Variants in HSBP1 observed in about 807,000 individuals in gnomAD.
The protein encoded by HSBP1 is heat shock factor-binding protein 1.
A neutral mutation model predicts 9.6 loss-of-function variants in HSBP1; 5 were observed. That is an observed-to-expected ratio of 0.52 (90% CI 0.27 to 1.09). The LOEUF (loss-of-function observed/expected upper bound fraction) is 1.09, where lower values mean the gene tolerates loss of function less well. Ranked by LOEUF, HSBP1 falls within the 50% of genes least tolerant of loss-of-function variation. The probability of loss-of-function intolerance (pLI) is 0.11; values close to 1 mark genes in which losing one functional copy is unlikely to be tolerated. For synonymous variants in HSBP1, 42 were observed against 33.3 expected, an observed-to-expected ratio of 1.26 and a Z score of -0.90; for missense variants, 121 against 96.3, an observed-to-expected ratio of 1.26 and a Z score of -1.07.
chr16:83,818,756 A>G lies in HSBP1; in HGVS notation c.*7338A>G, dbSNP rs1904775590. On this transcript the variant is annotated 3_prime_UTR_variant, in exon 4 of 4. Transcript: ENST00000433866. ...GCACCTAAGTCACTGAAGTTCTGGC[A>G]GAATTCATTCTCCTGCTCTCTACTG... 1 of 152,232 alleles carries G rather than the reference A, an allele frequency of 6.6e-6. No individual in the cohort carries two copies. The highest frequency in any genetic ancestry group is 1.5e-5 in the Non-Finnish European group (1 of 68,046). 9.4% of individuals were successfully genotyped at this position (152,232 alleles called of 1,614,324 possible). A position where few individuals can be genotyped will look rare whatever the true frequency, so the allele number is the denominator to read the frequency against.
rs145488906 is a variant in HSBP1, at chr16:83,818,990, A to G, written c.*7572A>G. The G allele has an allele frequency of 1.3e-4, 20 of 152,246 alleles. No individual in the cohort carries two copies. The highest frequency in any genetic ancestry group is 4.8e-4 in the African/African-American group (20 of 41,558). The allele number at this position is 152,246 out of a possible 1,614,324, so 9.4% of individuals were successfully genotyped here. On this transcript the variant is annotated 3_prime_UTR_variant, in exon 4 of 4. Transcript: ENST00000433866. ...AGATCCCCAGGCCCTACCTAGCCCT[A>G]CTGAATCAGAGACCCTGGGAGGGAG...
intron 3 of HSBP1, among the ~76,000 whole-genome samples, chr16:83,810,542 AAAG>A (rs1904577463): frequency 6.8e-6 from 1 of 147,426 alleles, no homozygotes; most frequent in Admixed American, 6.8e-5. Context: ...AAAAAAAAAA[AAAG>A]GTACTGGTGC....
rs761386464 is a variant in HSBP1, at chr16:83,818,226, C to T, written c.*6808C>T. ...TTGCCAGCATCCTCAGAAGGAGATG[C>T]GAGGAAGATTCTTTTCCTGGGCCAC... is the stretch of plus-strand genomic sequence containing the variant. On this transcript the variant is annotated 3_prime_UTR_variant, in exon 4 of 4. Coordinates refer to ENST00000433866, the MANE Select transcript of HSBP1 (RefSeq NM_001537.4). The T allele has an allele frequency of 2.0e-5, 3 of 152,208 alleles. No homozygotes were observed. Among genetic ancestry groups the T allele is most frequent in the Admixed American group, 1.3e-4 (2 of 15,278 alleles). The allele number at this position is 152,208 out of a possible 1,614,324, so 9.4% of individuals were successfully genotyped here.
At chr16:83,810,999 G>A (rs1013948173) in intron 3 of HSBP1, among the ~76,000 whole-genome samples, 5 of 152,234 alleles carry the variant, frequency 3.3e-5, no homozygotes, top group African/African-American at 1.2e-4. Flanking sequence ...CAGTAGGTGG[G>A]GTTCATTCAC....
chr16:83,809,517 G>A (rs982265487), intron 3 of HSBP1, 92 bp downstream of exon 3: 13 of 657,878 alleles, frequency 2.0e-5, no homozygotes, highest in Admixed American at 3.0e-5. Context: ...TGCCCAGGCT[G>A]GAGTGCAATG....
Position 83,818,292 on chromosome 16 carries a change from G to A in HSBP1, c.*6874G>A, listed in dbSNP as rs1904765474. 6.6e-6 allele frequency: 1 copy of A among 152,146 alleles called. No homozygotes were observed. Among genetic ancestry groups the A allele is most frequent in the East Asian group, 1.9e-4 (1 of 5,194 alleles). 9.4% of individuals were successfully genotyped at this position (152,146 alleles called of 1,614,324 possible). ...CTTGGACAAGTCTTAACAATAATCT[G>A]TGACCCAACTTTGTCTTCCCCATGA... On this transcript the variant is annotated 3_prime_UTR_variant, in exon 4 of 4. Coordinates refer to ENST00000433866, the MANE Select transcript of HSBP1 (RefSeq NM_001537.4).
chr16:83,812,136 A>G lies in HSBP1; in HGVS notation c.*718A>G, dbSNP rs1904614571. On this transcript the variant is annotated 3_prime_UTR_variant, in exon 4 of 4. Coordinates refer to ENST00000433866, the MANE Select transcript of HSBP1 (RefSeq NM_001537.4). The stretch of plus-strand genomic sequence containing the variant: ...TTAGAGTTTTGCATGAGATTCTAAT[A>G]CTTCAGTAGGACCCTACCTACGTGG... 1.3e-5 allele frequency: 2 copies of G among 152,636 alleles called. No individual in the cohort carries two copies. The highest frequency in any genetic ancestry group is 4.8e-5 in the African/African-American group (2 of 41,454). 9.5% of individuals were successfully genotyped at this position (152,636 alleles called of 1,614,324 possible).
rs1188494308 is a variant in HSBP1, at chr16:83,808,687, C to T, written c.53C>T (p.Thr18Ile). 2.5e-6 allele frequency: 4 copies of T among 1,611,592 alleles called. No individual in the cohort carries two copies. Reference protein sequence around the residue: ...TVQDLTSVVQTLLQQMQDKFQ... With the variant: ...TVQDLTSVVQILLQQMQDKFQ... ...TGTTTCGGTTTTTCTTAGGTGCAGA[C>T]ACTCCTGCAGCAGATGCAAGATAAA... The change falls in exon 2 of 4, where the codon ACA becomes ATA. Residue 18 changes from threonine to isoleucine, a missense_variant. Thr to Ile is a moderately conservative substitution (Grantham distance 89, BLOSUM62 -1). Transcript: ENST00000433866.
In HSBP1 at chr16:83,814,733, ATTCAG is replaced by A. The variant is rs1204253218; in HGVS notation, c.*3316_*3320del. On this transcript the variant is annotated 3_prime_UTR_variant, in exon 4 of 4. Coordinates refer to ENST00000433866, the MANE Select transcript of HSBP1 (RefSeq NM_001537.4). ...TGAGTTTTTATTTGGAATTTAAACT[ATTCAG>A]AGCTGGTAGAAAATGTGTGCTCCTG... is the stretch of plus-strand genomic sequence containing the variant. 6.6e-6 allele frequency: 1 copy of A among 152,254 alleles called. No homozygotes were observed. The highest frequency in any genetic ancestry group is 2.4e-5 in the African/African-American group (1 of 41,454). 9.4% of individuals were successfully genotyped at this position (152,254 alleles called of 1,614,324 possible).
At position 83,814,433 on chromosome 16, in the gene HSBP1, C is replaced by G. The variant is rs935563005; in HGVS notation, c.*3015C>G. ...CCTGGAATGTCCTCACAGCTGCACA[C>G]CTGCACCGCTCACAAACACAGCTGA... On this transcript the variant is annotated 3_prime_UTR_variant, in exon 4 of 4. Coordinates refer to ENST00000433866, the MANE Select transcript of HSBP1 (RefSeq NM_001537.4). The G allele has an allele frequency of 6.6e-6, 1 of 152,050 alleles. No homozygotes were observed. Among genetic ancestry groups the G allele is most frequent in the Admixed American group, 6.6e-5 (1 of 15,264 alleles). 9.4% of individuals were successfully genotyped at this position (152,050 alleles called of 1,614,324 possible).
chr16:83,814,636 T>C lies in HSBP1; in HGVS notation c.*3218T>C, dbSNP rs1292059576. The C allele has an allele frequency of 2.6e-5, 4 of 152,236 alleles. No homozygotes were observed. The highest frequency in any genetic ancestry group is 5.9e-5 in the Non-Finnish European group (4 of 68,052). 9.4% of individuals were successfully genotyped at this position (152,236 alleles called of 1,614,324 possible). A position where few individuals can be genotyped will look rare whatever the true frequency, so the allele number is the denominator to read the frequency against. ...AGCCCCACTGGCTGGATCTCAAAAT[T>C]TACTTTCAAAAGGCTGATGGAGTGT... is the stretch of plus-strand genomic sequence containing the variant. On this transcript the variant is annotated 3_prime_UTR_variant, in exon 4 of 4. Coordinates refer to ENST00000433866, the MANE Select transcript of HSBP1 (RefSeq NM_001537.4).
At chr16:83,809,734 C>T (rs973347716) in intron 3 of HSBP1, among the ~76,000 whole-genome samples, 2 of 151,944 alleles carry the variant, frequency 1.3e-5, no homozygotes, top group Admixed American at 6.6e-5. Context: ...TCTCAAAGTG[C>T]TGGGATTACA....
In HSBP1 at chr16:83,817,342, A is replaced by G. The variant is rs544280788; in HGVS notation, c.*5924A>G. The G allele has an allele frequency of 6.6e-6, 1 of 152,334 alleles. No individual in the cohort carries two copies. The highest frequency in any genetic ancestry group is 2.4e-5 in the African/African-American group (1 of 41,566). 9.4% of individuals were successfully genotyped at this position (152,334 alleles called of 1,614,324 possible). The stretch of plus-strand genomic sequence containing the variant: ...GCATGCCCCAACAATTTGTGTCCCA[A>G]CTGTTTGAATCAAAGGATTTCTGAT... On this transcript the variant is annotated 3_prime_UTR_variant, in exon 4 of 4. Coordinates refer to ENST00000433866, the MANE Select transcript of HSBP1 (RefSeq NM_001537.4).
chr16:83,819,599 C>T lies in HSBP1; in HGVS notation c.*8181C>T, dbSNP rs1904795875. On this transcript the variant is annotated 3_prime_UTR_variant, in exon 4 of 4. Transcript: ENST00000433866. Reference sequence around the variant, plus strand: ...TAAAAAATCATTTCAACTCTTAAGCCACAAAAGGATATCCAATCATTTAAA... The same window carrying T: ...TAAAAAATCATTTCAACTCTTAAGCTACAAAAGGATATCCAATCATTTAAA... 1 of 152,200 alleles carries T rather than the reference C, an allele frequency of 6.6e-6. No individual in the cohort carries two copies. The highest frequency in any genetic ancestry group is 1.5e-5 in the Non-Finnish European group (1 of 68,012). The allele number at this position is 152,200 out of a possible 1,614,324, so 9.4% of individuals were successfully genotyped here. A position where few individuals can be genotyped will look rare whatever the true frequency, so the allele number is the denominator to read the frequency against.
intron 3 of HSBP1, among the ~76,000 whole-genome samples, chr16:83,810,736 G>C (rs906836409): frequency 6.6e-6 from 1 of 151,850 alleles, no homozygotes; most frequent in Admixed American, 6.6e-5. Flanking sequence ...ACTGAGACAG[G>C]AGGCAGAGTT....
chr16:83,808,901 C>T (rs750093717), intron 2 of HSBP1, among the ~76,000 whole-genome samples, 155 bp downstream of exon 2: 3 of 152,092 alleles, frequency 2.0e-5, no homozygotes, highest in Admixed American at 2.0e-4. Flanking sequence ...AGGACTGCGC[C>T]GAGAGCTAGG....
Position 83,808,009 on chromosome 16 carries a change from G to T in HSBP1, c.-68G>T. 1 of 1,393,104 alleles carries T rather than the reference G, an allele frequency of 7.2e-7. No individual in the cohort carries two copies. The highest frequency in any genetic ancestry group is 1.3e-5 in the South Asian group (1 of 75,636). 86.3% of individuals were successfully genotyped at this position (1,393,104 alleles called of 1,614,324 possible). On this transcript the variant is annotated 5_prime_UTR_variant, in exon 1 of 4. Transcript: ENST00000433866. ...GTCGCGAGAAGCAGCGGCCCGGGGCGACTGAGCGGACAAACGGAAGTGTAG... is the reference window on the plus strand; with the variant it reads ...GTCGCGAGAAGCAGCGGCCCGGGGCTACTGAGCGGACAAACGGAAGTGTAG...
rs1033080702 is a variant in HSBP1, at chr16:83,813,285, C to G, written c.*1867C>G. 1.3e-5 allele frequency: 2 copies of G among 152,262 alleles called. No individual in the cohort carries two copies. Among genetic ancestry groups the G allele is most frequent in the African/African-American group, 4.8e-5 (2 of 41,454 alleles). The allele number at this position is 152,262 out of a possible 1,614,324, so 9.4% of individuals were successfully genotyped here. A position where few individuals can be genotyped will look rare whatever the true frequency, so the allele number is the denominator to read the frequency against. On this transcript the variant is annotated 3_prime_UTR_variant, in exon 4 of 4. Transcript: ENST00000433866. ...TGGTCACTTGGGTTTAGACGACATT[C>G]TGTGAACCTCATGAAGAAATTAGCA...
At chr16:83,808,483 C>T in intron 1 of HSBP1, 197 bp from the exon 2 acceptor site, 1 of 582,164 alleles carries the variant, frequency 1.7e-6, no homozygotes, top group South Asian at 2.1e-5. Flanking sequence ...TGAGTCGCAG[C>T]GGCCTCCCCA....
Sources: allele counts gnomAD v4.1 joint callset (sites outside exome capture counted in the v4.1 genomes callset), GRCh38; gene constraint gnomAD v4.1.1; transcripts MANE v1.5; gene names NCBI Gene and HGNC (gene_info 2026-07-23, HGNC 2026-07-21).